NBPF9: variants seen among roughly 807,000 people sequenced by gnomAD.
NBPF9 encodes the protein NBPF family member NBPF9.
A neutral mutation model predicts 97.8 loss-of-function variants in NBPF9; 91 were observed. The observed-to-expected ratio is 0.93, with a 90% CI of 0.79 to 1.11. NBPF9 has a LOEUF of 1.11. Among genes scored for constraint, NBPF9 ranks in the 50% least tolerant of loss-of-function variants. The probability of loss-of-function intolerance (pLI) is 0.00; values close to 1 mark genes in which losing one functional copy is unlikely to be tolerated. For missense variants in NBPF9, 992 were observed against 939.5 expected (o/e 1.06, Z -0.73); for synonymous variants, 334 against 359.5 (o/e 0.93, Z 0.80).
chr1:149,097,085 G>A (rs587763453), intron 4 of NBPF9, among the ~76,000 whole-genome samples: 1 of 102,360 alleles, frequency 9.8e-6, no homozygotes, highest in Non-Finnish European at 2.2e-5. Context: ...AGGGAGGAAG[G>A]AAGGAAGGAA....
chr1:149,072,975 G>C lies in NBPF9; in HGVS notation c.1092-43C>G, dbSNP rs781815719. 6 of 1,588,594 alleles carry C rather than the reference G, an allele frequency of 3.8e-6. No individual in the cohort carries two copies. The East Asian group carries it at 6.7e-5, about 18-fold the overall frequency. On this transcript the variant is annotated intron_variant, in intron 13 of 29. Coordinates refer to ENST00000584027, the Ensembl canonical transcript of NBPF9. ...AGAAAAATTAAGAGTGGAAAGGGTTGAGTGATCCGCTCAAATATTGCAACA... is the reference window on the plus strand; with the variant it reads ...AGAAAAATTAAGAGTGGAAAGGGTTCAGTGATCCGCTCAAATATTGCAACA...
rs2079247638 is a variant in NBPF9 at position 149,069,620 on chromosome 1, CT to C, written c.1610del (p.Glu537GlyfsTer52). 1 of 758,734 alleles carries C rather than the reference CT, an allele frequency of 1.3e-6. No homozygotes were observed. The highest frequency in any genetic ancestry group is 1.8e-5 in the African/African-American group (1 of 55,992). 47.0% of individuals were successfully genotyped at this position (758,734 alleles called of 1,614,324 possible). A position where few individuals can be genotyped will look rare whatever the true frequency, so the allele number is the denominator to read the frequency against. The stretch of plus-strand genomic sequence containing the variant: ...TGGGAGACACTGGCCCTTTTTCTTC[CT>C]CTTCCTCATCATCACTTTCATTTTC... On this transcript the variant is annotated frameshift_variant, in exon 17 of 30. Transcript: ENST00000584027. LOFTEE classifies it high-confidence loss of function.
rs1443049485 is a variant in NBPF9 at position 149,062,284 on chromosome 1, G to A, written c.2079-19C>T. On this transcript the variant is annotated intron_variant, in intron 21 of 29. Coordinates refer to ENST00000584027, the Ensembl canonical transcript of NBPF9. ...GCTGAGCCTGGAAAAGTAGGAAAAA[G>A]TAAAGAATAAGCCAGGGGGAATCAG... 8.6e-5 allele frequency: 56 copies of A among 653,462 alleles called. No individual in the cohort carries two copies. The highest frequency in any genetic ancestry group is 1.2e-4 in the Non-Finnish European group (44 of 364,188). The allele number at this position is 653,462 out of a possible 1,614,324, so 40.5% of individuals were successfully genotyped here.
intron 19 of NBPF9, 132 bp downstream of exon 19, chr1:149,064,299 G>A (rs2078873191): frequency 1.1e-5 from 8 of 749,436 alleles, no homozygotes; most frequent in East Asian, 2.7e-5. Flanking sequence ...GAACCAAAAA[G>A]CAATGTAGTA....
intron 19 of NBPF9, 90 bp downstream of exon 19, chr1:149,064,341 A>G (rs587750484): frequency 1.3e-6 from 1 of 786,888 alleles, no homozygotes; most frequent in African/African-American, 2.4e-5. Flanking sequence ...ACAAGACAAA[A>G]TCATTATTTT....
chr1:149,093,343 G>A (rs1377532031), intron 4 of NBPF9, among the ~76,000 whole-genome samples: 2 of 151,858 alleles, frequency 1.3e-5, no homozygotes, highest in South Asian at 4.2e-4. Context: ...ACCCAGGGAC[G>A]AGCAGGAGAC....
intron 4 of NBPF9, among the ~76,000 whole-genome samples, chr1:149,095,111 G>A (rs1200538807): frequency 1.4e-5 from 2 of 142,542 alleles, no homozygotes; most frequent in Non-Finnish European, 3.0e-5. Flanking sequence ...TTGGTGAAAA[G>A]AGAAAACACA....
At chr1:149,055,803 A>C (rs781883455) in exon 30 of NBPF9, 2 of 1,611,066 alleles carry the variant, frequency 1.2e-6, no homozygotes, top group South Asian at 2.2e-5. Flanking sequence ...GGAATGAGTC[A>C]GGTAGTTCAA....
intron 4 of NBPF9, among the ~76,000 whole-genome samples, chr1:149,097,728 T>C (rs1201745185): frequency 1.6e-4 from 25 of 152,176 alleles, no homozygotes; most frequent in African/African-American, 5.5e-4. Flanking sequence ...ATTTACTCGT[T>C]ATGGGGTCTC....
exon 22 of NBPF9, chr1:149,062,152 T>G: frequency 9.9e-7 from 1 of 1,013,694 alleles, no homozygotes; most frequent in Non-Finnish European, 1.6e-6. Flanking sequence ...AGCACTGCTG[T>G]AGGGCTGGCC....
At chr1:149,076,036 T>C (rs1254591563) in intron 11 of NBPF9, among the ~76,000 whole-genome samples, 172 bp from the exon 12 acceptor site, 11 of 152,078 alleles carry the variant, frequency 7.2e-5, no homozygotes, top group Non-Finnish European at 1.5e-5. Flanking sequence ...CAACTTGTCT[T>C]AGCTATGCAG....
chr1:149,062,355 G>T, intron 21 of NBPF9, 90 bp from the exon 22 acceptor site: 1 of 626,962 alleles, frequency 1.6e-6, no homozygotes, highest in East Asian at 2.7e-5. Context: ...ATAAGGAACT[G>T]TTTAAAAAGA....
In NBPF9 at chr1:149,063,547, G is replaced by T. The variant is rs587744878; in HGVS notation, c.2026+86C>A. ...CTCCCTGTGGCAATGACATCTCTCA[G>T]CTCAGTAACGGCCACTTGCAGTAGG... On this transcript the variant is annotated intron_variant, in intron 20 of 29. Coordinates refer to ENST00000584027, the Ensembl canonical transcript of NBPF9. The T allele has an allele frequency of 2.4e-5, 17 of 699,600 alleles. 2 individuals are homozygous for T. In the African/African-American group the frequency reaches 3.0e-4, roughly 12 times the overall value. The allele number at this position is 699,600 out of a possible 1,614,324, so 43.3% of individuals were successfully genotyped here.
intron 17 of NBPF9, among the ~76,000 whole-genome samples, chr1:149,069,261 T>C: frequency 6.6e-6 from 1 of 150,934 alleles, no homozygotes; most frequent in Non-Finnish European, 1.5e-5. Context: ...AGACAAGAAG[T>C]AACTAAGATC....
rs2080538472 is a variant in NBPF9, at chr1:149,082,267, C to A, written c.-36+5G>T. On this transcript the variant is annotated splice_donor_5th_base_variant and intron_variant, in intron 6 of 29. Coordinates refer to ENST00000584027, the Ensembl canonical transcript of NBPF9. ...CTGAGGGATGTCAGTAACTGAAATT[C>A]TTACCTTACTGTTGTGAAAAATGTG... 9 of 1,388,322 alleles carry A rather than the reference C, an allele frequency of 6.5e-6. No homozygotes were observed. Among genetic ancestry groups the A allele is most frequent in the Non-Finnish European group, 9.1e-6 (9 of 992,604 alleles). 86.0% of individuals were successfully genotyped at this position (1,388,322 alleles called of 1,614,324 possible).
At chr1:149,076,458 A>G (rs1200148422) in intron 11 of NBPF9, among the ~76,000 whole-genome samples, 1 of 150,096 alleles carries the variant, frequency 6.7e-6, no homozygotes, top group Non-Finnish European at 1.5e-5. Flanking sequence ...CGGCCTCCCA[A>G]AGTGTTGGGA....
intron 20 of NBPF9, 145 bp downstream of exon 20, chr1:149,063,488 A>G: frequency 6.3e-6 from 4 of 632,744 alleles, no homozygotes; most frequent in Non-Finnish European, 5.5e-6. Flanking sequence ...AAGTGGAACT[A>G]GAGTTTCATT....
At chr1:149,078,927 C>T (rs1467555702) in intron 9 of NBPF9, 80 bp downstream of exon 9, 1 of 1,560,550 alleles carries the variant, frequency 6.4e-7, no homozygotes, top group African/African-American at 1.3e-5. Context: ...ACTGATACAA[C>T]TGTCATTGTG....
In NBPF9 at chr1:149,090,718, A is replaced by T. The variant is rs1347151176; in HGVS notation, c.-195+35T>A. On this transcript the variant is annotated intron_variant, in intron 5 of 29. Coordinates refer to ENST00000584027, the Ensembl canonical transcript of NBPF9. ...CTGCCCTGGAAAAACTACTGGTAGC[A>T]TCTTTCAGAAAGCTCTCTGTGTTTG... 9.1e-6 allele frequency: 5 copies of T among 551,634 alleles called. No individual in the cohort carries two copies. The African/African-American group carries it at 9.7e-5, about 11-fold the overall frequency. The allele number at this position is 551,634 out of a possible 1,614,324, so 34.2% of individuals were successfully genotyped here. A position where few individuals can be genotyped will look rare whatever the true frequency, so the allele number is the denominator to read the frequency against.
Sources: allele counts gnomAD v4.1 joint callset (sites outside exome capture counted in the v4.1 genomes callset), GRCh38; gene constraint gnomAD v4.1.1; transcripts MANE v1.5; gene names NCBI Gene and HGNC (gene_info 2026-07-23, HGNC 2026-07-21).